Variants in MOGAT1 observed in about 807,000 individuals in gnomAD.
MOGAT1 encodes the protein monoacylglycerol O-acyltransferase 1, also known as 2-acylglycerol O-acyltransferase 1.
MOGAT1 carries 32 observed loss-of-function variants against 31.4 expected under a neutral mutation model. That is an observed-to-expected ratio of 1.02 (90% CI 0.77 to 1.37). MOGAT1 has a LOEUF of 1.37. MOGAT1 is among the 40% of genes most tolerant of loss of function. The pLI is 0.00. For missense variants in MOGAT1, 426 were observed against 402.0 expected, an observed-to-expected ratio of 1.06 and a Z score of -0.51; for synonymous variants, 145 against 144.5, an observed-to-expected ratio of 1.00 and a Z score of -0.03.
At chr2:222,689,161 GT>G (rs1381072272) in intron 2 of MOGAT1, 103 bp from the exon 3 acceptor site, 1 of 1,023,098 alleles carries the variant, frequency 9.8e-7, no homozygotes, top group African/African-American at 1.6e-5. Context: ...AATGAGTCAT[GT>G]TCTCCATTTT....
At chr2:222,704,299 AT>A (rs1449959600) in intron 5 of MOGAT1, among the ~76,000 whole-genome samples, 4 of 152,234 alleles carry the variant, frequency 2.6e-5, no homozygotes, top group African/African-American at 9.6e-5. Flanking sequence ...GAGAGAGAAA[AT>A]TCTGGCCTTC....
intron 5 of MOGAT1, 61 bp downstream of exon 5, chr2:222,695,349 T>C: frequency 8.6e-7 from 1 of 1,165,206 alleles, no homozygotes; most frequent in Middle Eastern, 2.0e-4. Context: ...TTGTTATTGA[T>C]TGAGGTGCTA....
At position 222,689,259 on chromosome 2, in the gene MOGAT1, C is replaced by A; in HGVS notation, c.274-6C>A. On this transcript the variant is annotated splice_region_variant and splice_polypyrimidine_tract_variant and intron_variant, in intron 2 of 5. Coordinates refer to ENST00000446656, the MANE Select transcript of MOGAT1 (RefSeq NM_058165.3). ...TTTTTAAAATCTCAATATGAATGTG[C>A]TGTAGCTTATCAAAACTCAAGATTT... is the stretch of plus-strand genomic sequence containing the variant. 6.2e-7 allele frequency: 1 copy of A among 1,608,628 alleles called. No homozygotes were observed. Among genetic ancestry groups the A allele is most frequent in the Non-Finnish European group, 8.5e-7 (1 of 1,176,146 alleles).
intron 3 of MOGAT1, among the ~76,000 whole-genome samples, chr2:222,691,898 GTGTATCTA>G (rs1233360902): frequency 6.6e-6 from 1 of 152,148 alleles, no homozygotes; most frequent in Non-Finnish European, 1.5e-5. Context: ...CCCATTTTGG[GTGTATCTA>G]TACCTATCAG....
intron 1 of MOGAT1, among the ~76,000 whole-genome samples, chr2:222,685,207 T>C (rs1354427106): frequency 6.6e-6 from 1 of 152,230 alleles, no homozygotes; most frequent in African/African-American, 2.4e-5. Flanking sequence ...ACTTGCCTCA[T>C]GTCCCATCTG....
intron 1 of MOGAT1, among the ~76,000 whole-genome samples, chr2:222,680,496 G>T (rs930061394): frequency 6.6e-5 from 10 of 152,174 alleles, no homozygotes; most frequent in African/African-American, 2.4e-4. Context: ...GCAAAATTCT[G>T]CAAAGGGGTC....
chr2:222,699,486 A>ATTTTT, intron 5 of MOGAT1: 1 of 86,884 alleles, frequency 1.2e-5, no homozygotes, highest in Non-Finnish European at 2.4e-5. Flanking sequence ...GTTGGGAGAT[A>ATTTTT]TTTCTTTTTT....
At chr2:222,698,487 A>G (rs917737734) in intron 5 of MOGAT1, 1 of 152,232 alleles carries the variant, frequency 6.6e-6, no homozygotes, top group Non-Finnish European at 1.5e-5. Flanking sequence ...CCTGAACAGG[A>G]AACATGAGAT....
At chr2:222,695,407 T>C (rs1432314597) in intron 5 of MOGAT1, 119 bp downstream of exon 5, 2 of 586,092 alleles carry the variant, frequency 3.4e-6, no homozygotes, top group Non-Finnish European at 5.8e-6. Context: ...ACAATAATCC[T>C]GTAGATGTTA....
rs371660687 is a variant in MOGAT1 at position 222,694,471 on chromosome 2, T to C, written c.588T>C (p.His196=). 5.1e-5 allele frequency: 83 copies of C among 1,613,832 alleles called. No individual in the cohort carries two copies. The highest frequency in any genetic ancestry group is 6.6e-5 in the Non-Finnish European group (78 of 1,179,858). Residue 196 remains histidine, a synonymous_variant, in exon 4 of 6, where the codon CAT becomes CAC. Coordinates refer to ENST00000446656, the MANE Select transcript of MOGAT1 (RefSeq NM_058165.3). ...GTGCAAAAGAATCACTGGATGCTCA[T>C]CCTGGAAAGTTCACTCTGTTCATCC... ...LGGAKESLDA[H]PGKFTLFIRQ...
Position 222,695,265 on chromosome 2 carries a change from A to G in MOGAT1, c.830A>G (p.Tyr277Cys), listed in dbSNP as rs374002606. The G allele has an allele frequency of 6.2e-7, 1 of 1,612,426 alleles. No individual in the cohort carries two copies. Among genetic ancestry groups the G allele is most frequent in the Non-Finnish European group, 8.5e-7 (1 of 1,179,142 alleles). The change falls in exon 5 of 6, where the codon TAT becomes TGT. Residue 277 changes from tyrosine to cysteine, a missense_variant. By Grantham distance (194) the Tyr-to-Cys change is radical. Transcript: ENST00000446656. Reference protein sequence around the residue: ...VFQYNFGLMTYRKAIHTVVGR... With the variant: ...VFQYNFGLMTCRKAIHTVVGR... ...CAGTACAATTTTGGCCTAATGACCT[A>G]TAGGAAAGCCATCCACACTGTTGGT...
In MOGAT1 at chr2:222,694,400, G is replaced by A. The variant is rs746378977; in HGVS notation, c.517G>A (p.Val173Ile). ...SVSKKSVSYM[V>I]SKEGGGNISV... ...TTCCAAGAAAAGTGTGTCCTACATGGTAAGCAAGGAGGGAGGTGGAAACAT... is the reference window on the plus strand; with the variant it reads ...TTCCAAGAAAAGTGTGTCCTACATGATAAGCAAGGAGGGAGGTGGAAACAT... The change falls in exon 4 of 6, where the codon GTA becomes ATA. Residue 173 changes from valine (V) to isoleucine (I), a missense_variant. By Grantham distance (29) the Val-to-Ile change is conservative (BLOSUM62 3). Transcript: ENST00000446656. The A allele has an allele frequency of 1.2e-6, 2 of 1,613,364 alleles. No individual in the cohort carries two copies. The highest frequency in any genetic ancestry group is 2.2e-5 in the South Asian group (2 of 91,012).
At chr2:222,707,204 A>G (rs1480349066) in intron 5 of MOGAT1, among the ~76,000 whole-genome samples, 1 of 151,216 alleles carries the variant, frequency 6.6e-6, no homozygotes, top group African/African-American at 2.4e-5. Context: ...AAAGAAAGAG[A>G]GACAGAAAGA....
At chr2:222,694,154 AGCCCATTACCT>A (rs1318815088) in intron 3 of MOGAT1, among the ~76,000 whole-genome samples, 197 bp from the exon 4 acceptor site, 19 of 152,210 alleles carry the variant, frequency 1.2e-4, no homozygotes, top group Non-Finnish European at 2.2e-4. Context: ...TTAAAGACCT[AGCCCATTACCT>A]GCCAAGATGT....
intron 1 of MOGAT1, among the ~76,000 whole-genome samples, chr2:222,681,251 C>T (rs12624245): frequency 0.15 from 22,492 of 152,030 alleles, 1,872 homozygotes; most frequent in East Asian, 0.3. Context: ...CAAGACTGCC[C>T]CAACTTTAGA....
In MOGAT1 at chr2:222,689,230, C is replaced by CT. The variant is rs759763730; in HGVS notation, c.274-27dup. On this transcript the variant is annotated intron_variant, in intron 2 of 5. Transcript: ENST00000446656. The stretch of plus-strand genomic sequence containing the variant: ...CATTGGAAAATAATAAGGGAAGTTT[C>CT]TTTTTTTTAAAATCTCAATATGAAT... The CT allele has an allele frequency of 3.2e-5, 49 of 1,508,710 alleles. No individual in the cohort carries two copies. In the African/African-American group the frequency reaches 4.2e-4, roughly 13 times the overall value. The allele number at this position is 1,508,710 out of a possible 1,614,324, so 93.5% of individuals were successfully genotyped here. A position where few individuals can be genotyped will look rare whatever the true frequency, so the allele number is the denominator to read the frequency against.
chr2:222,694,896 C>A (rs1692818322), intron 4 of MOGAT1, among the ~76,000 whole-genome samples, 193 bp from the exon 5 acceptor site: 1 of 152,162 alleles, frequency 6.6e-6, no homozygotes, highest in African/African-American at 2.4e-5. Flanking sequence ...CTGTCAATGG[C>A]TAGCCTGCTG....
At chr2:222,674,490 A>G (rs879892579) in intron 1 of MOGAT1, among the ~76,000 whole-genome samples, 2 of 152,130 alleles carry the variant, frequency 1.3e-5, no homozygotes, top group Non-Finnish European at 2.9e-5. Context: ...TCAGGAGTAC[A>G]TGTGCAGGTT....
intron 1 of MOGAT1, among the ~76,000 whole-genome samples, chr2:222,684,743 A>G (rs576897139): frequency 1.3e-5 from 2 of 151,892 alleles, no homozygotes; most frequent in East Asian, 3.9e-4. Context: ...CGCCCAGCTA[A>G]TTTTTGTATT....
Sources: gnomAD v4.1 joint callset for allele counts (sites outside exome capture counted in the v4.1 genomes callset) on GRCh38, gnomAD v4.1.1 for gene constraint, MANE v1.5 for transcripts, NCBI Gene and HGNC (gene_info 2026-07-23, HGNC 2026-07-21) for gene names.